Variants in CDC14A observed in about 807,000 individuals in gnomAD.
CDC14A encodes cell division cycle 14A, also known as dual specificity protein phosphatase CDC14A.
Under a neutral mutation model 74.4 loss-of-function variants are expected in CDC14A, and 53 were observed. The ratio of observed to expected loss-of-function variants is 0.71; its 90% CI spans 0.57 to 0.89. CDC14A has a LOEUF of 0.89. CDC14A is among the 40% of genes least tolerant of loss of function. The pLI, the probability that CDC14A is intolerant of heterozygous loss-of-function variation, is 0.00. For missense variants in CDC14A, 646 were observed against 713.7 expected, an observed-to-expected ratio of 0.91 and a Z score of 1.08; for synonymous variants, 247 against 258.4, an observed-to-expected ratio of 0.96 and a Z score of 0.43.
At chr1:100,366,110 ATT>A (rs749317341) in intron 2 of CDC14A, among the ~76,000 whole-genome samples, 2 of 152,194 alleles carry the variant, frequency 1.3e-5, no homozygotes, top group Admixed American at 1.3e-4. Flanking sequence ...TTTAGTAACT[ATT>A]TGAGTGAGCA....
At chr1:100,498,045 A>G (rs559710241) in intron 13 of CDC14A, 40 bp from the exon 14 acceptor site, 8 of 1,591,068 alleles carry the variant, frequency 5.0e-6, no homozygotes, top group Middle Eastern at 1.7e-4. Context: ...TTAAGATAAG[A>G]CTACTTTATT....
intron 2 of CDC14A, among the ~76,000 whole-genome samples, chr1:100,365,940 T>G (rs1653525464): frequency 9.4e-6 from 1 of 106,186 alleles, no homozygotes; most frequent in South Asian, 2.5e-4. Flanking sequence ...CAACAAAATT[T>G]TACACACACA....
rs542181654 is a variant in CDC14A at position 100,387,540 on chromosome 1, T to C, written c.217-3192T>C. On this transcript the variant is annotated intron_variant, in intron 3 of 15. Transcript: ENST00000336454. ...GAAAGCTCTAAAAAGAAGTCAGTTA[T>C]GTTTGCTTCCTGTGGGGAGTTTCTC... Among the ~76,000 whole-genome samples, 61 of 152,236 alleles carry C rather than the reference T, an allele frequency of 4.0e-4. 2 individuals carry two copies. In the South Asian group the frequency reaches 0.012, roughly 31 times the overall value.
chr1:100,410,390 C>T (rs1014249236), intron 4 of CDC14A, among the ~76,000 whole-genome samples: 1 of 152,122 alleles, frequency 6.6e-6, no homozygotes, highest in African/African-American at 2.4e-5. Context: ...GGCACAATCT[C>T]AGCTCACTGA....
chr1:100,510,019 AG>A (rs2101474114), intron 15 of CDC14A, among the ~76,000 whole-genome samples: 1 of 152,306 alleles, frequency 6.6e-6, no homozygotes, highest in South Asian at 2.1e-4. Flanking sequence ...AAGAGGGGAA[AG>A]GCTGTGTTCC....
intron 10 of CDC14A, among the ~76,000 whole-genome samples, chr1:100,469,049 T>C (rs1246393680): frequency 2.0e-5 from 3 of 152,278 alleles, no homozygotes; most frequent in South Asian, 2.1e-4. Context: ...TGTGAGCCAC[T>C]ATGCCTGGCT....
At chr1:100,394,394 A>T (rs926248977) in intron 4 of CDC14A, among the ~76,000 whole-genome samples, 1 of 152,220 alleles carries the variant, frequency 6.6e-6, no homozygotes, top group Non-Finnish European at 1.5e-5. Context: ...CTGGGATTAC[A>T]GATGTGAGAC....
upstream of CDC14A, chr1:100,351,663 C>G: frequency 7.5e-7 from 1 of 1,338,264 alleles, no homozygotes; most frequent in Non-Finnish European, 1.0e-6. Flanking sequence ...GGTCTCGCCC[C>G]GCCCCTCCGG....
At chr1:100,412,742 A>ATATATATATAT (rs1661000280) in intron 4 of CDC14A, among the ~76,000 whole-genome samples, 5 of 108,014 alleles carry the variant, frequency 4.6e-5, no homozygotes, top group African/African-American at 9.9e-5. Flanking sequence ...TATATATTTT[A>ATATATATATAT]TATATATATA....
chr1:100,491,862 G>A (rs1467249207), intron 11 of CDC14A, among the ~76,000 whole-genome samples: 3 of 106,740 alleles, frequency 2.8e-5, no homozygotes, highest in Non-Finnish European at 3.9e-5. Context: ...GTGAGCCACC[G>A]TGCCTAGCCA....
intron 2 of CDC14A, 97 bp from the exon 3 acceptor site, chr1:100,377,449 T>A: frequency 1.2e-6 from 1 of 802,604 alleles, no homozygotes; most frequent in South Asian, 1.7e-5. Context: ...TAATTGAAAT[T>A]TGATTGTAAA....
At chr1:100,402,773 AGCACT>A (rs1659440749) in intron 4 of CDC14A, among the ~76,000 whole-genome samples, 1 of 152,214 alleles carries the variant, frequency 6.6e-6, no homozygotes, top group South Asian at 2.1e-4. Flanking sequence ...CATGTCACCG[AGCACT>A]GCTGGTCTTG....
upstream of CDC14A, among the ~76,000 whole-genome samples, chr1:100,352,139 G>A (rs1272032220): frequency 6.6e-6 from 1 of 152,196 alleles, no homozygotes; most frequent in Non-Finnish European, 1.5e-5. Context: ...GGGGGCGCCA[G>A]CACATCCTAG....
At chr1:100,349,278 C>A (rs1271904245), upstream of CDC14A, among the ~76,000 whole-genome samples, 2 of 152,064 alleles carry the variant, frequency 1.3e-5, no homozygotes, top group Non-Finnish European at 2.9e-5. Context: ...TATTACCTTC[C>A]TTTTGTGCAG....
chr1:100,386,387 G>C (rs1055482298), intron 3 of CDC14A, among the ~76,000 whole-genome samples: 2 of 152,116 alleles, frequency 1.3e-5, no homozygotes, highest in Non-Finnish European at 2.9e-5. Context: ...ACTTCACTTT[G>C]CTATGGCATA....
chr1:100,369,079 ATTT>A (rs369735078), intron 2 of CDC14A, among the ~76,000 whole-genome samples: 1 of 137,680 alleles, frequency 7.3e-6, no homozygotes, highest in African/African-American at 2.7e-5. Context: ...GTTTTTTGAC[ATTT>A]TTTTTTTTTT....
chr1:100,380,639 C>T lies in CDC14A; in HGVS notation c.216+3018C>T, dbSNP rs114956913. 2.9e-3 allele frequency among the ~76,000 whole-genome samples: 440 copies of T among 152,354 alleles called. 2 individuals are homozygous for T. Among genetic ancestry groups the T allele is most frequent in the African/African-American group, 9.5e-3 (394 of 41,578 alleles). On this transcript the variant is annotated intron_variant, in intron 3 of 15. Transcript: ENST00000336454. ...CCTGTTCTCTCAGTCCACTGGCACCCTGCTGATGTCTCTTGCCTGCAGCCC... is the reference window on the plus strand; with the variant it reads ...CCTGTTCTCTCAGTCCACTGGCACCTTGCTGATGTCTCTTGCCTGCAGCCC...
At chr1:100,411,479 C>T (rs2101040511) in intron 4 of CDC14A, among the ~76,000 whole-genome samples, 1 of 152,150 alleles carries the variant, frequency 6.6e-6, no homozygotes, top group East Asian at 1.9e-4. Flanking sequence ...CCTTCCTTTT[C>T]CTCCTTTCTT....
intron 4 of CDC14A, among the ~76,000 whole-genome samples, chr1:100,419,489 T>C (rs868196086): frequency 6.6e-6 from 1 of 152,244 alleles, no homozygotes; most frequent in South Asian, 2.1e-4. Flanking sequence ...GCAAGCATGA[T>C]AATTGTAAGT....
Sources: gnomAD v4.1 joint callset for allele counts (sites outside exome capture counted in the v4.1 genomes callset) on GRCh38, gnomAD v4.1.1 for gene constraint, MANE v1.5 for transcripts, NCBI Gene and HGNC (gene_info 2026-07-23, HGNC 2026-07-21) for gene names.